The following C2CD5 variants were observed in gnomAD, a reference collection of about 807,000 sequenced individuals.
The protein encoded by C2CD5 is C2 domain-containing protein 5.
Under a neutral mutation model 130.3 loss-of-function variants are expected in C2CD5, and 109 were observed. The ratio of observed to expected loss-of-function variants is 0.84; its 90% CI spans 0.72 to 0.98. C2CD5 has a LOEUF of 0.98. Among genes scored for constraint, C2CD5 ranks in the 50% least tolerant of loss-of-function variants. The probability of loss-of-function intolerance (pLI) is 0.00; values close to 1 mark genes in which losing one functional copy is unlikely to be tolerated. For missense variants in C2CD5, 996 were observed against 1,261.8 expected (o/e 0.79, Z 3.19); for synonymous variants, 454 against 429.2 (o/e 1.06, Z -0.71).
chr12:22,509,858 A>G (rs1261532711), intron 9 of C2CD5, among the ~76,000 whole-genome samples: 7 of 152,226 alleles, frequency 4.6e-5, no homozygotes, highest in African/African-American at 1.7e-4. Flanking sequence ...ATTTAGAGTT[A>G]AGGATTTGAT....
chr12:22,532,630 T>G (rs1951405836), intron 3 of C2CD5, among the ~76,000 whole-genome samples: 1 of 152,182 alleles, frequency 6.6e-6, no homozygotes, highest in Non-Finnish European at 1.5e-5. Flanking sequence ...AAGATCACGG[T>G]CCTAATATAA....
rs1950055002 is a variant in C2CD5, at chr12:22,519,323, G to A, written c.801-1186C>T. The A allele has an allele frequency of 9.7e-6, 12 of 1,236,078 alleles. No individual in the cohort carries two copies. The South Asian group carries it at 1.7e-4, about 17-fold the overall frequency. 76.6% of individuals were successfully genotyped at this position (1,236,078 alleles called of 1,614,324 possible). ...GAGTTATGTTAAAATAATTTCAAAG[G>A]AGCTTTAGTCAGGGAAGAGAACTTA... On this transcript the variant is annotated intron_variant, in intron 7 of 26. Transcript: ENST00000446597.
Position 22,469,063 on chromosome 12 carries a change from T to C in C2CD5, c.2533+646A>G, listed in dbSNP as rs564932463. Among the ~76,000 whole-genome samples the C allele has an allele frequency of 3.3e-5, 5 of 152,290 alleles. No homozygotes were observed. In the East Asian group the frequency reaches 5.8e-4, roughly 18 times the overall value. ...TTAAATTTTTTTGTAATAAAAATCA[T>C]ACTAAAATCAGATGAGAAATGGAAA... On this transcript the variant is annotated intron_variant, in intron 22 of 26. Coordinates refer to ENST00000446597, the MANE Select transcript of C2CD5 (RefSeq NM_001286176.2).
chr12:22,518,233 G>C, intron 7 of C2CD5, 96 bp from the exon 8 acceptor site: 1 of 1,167,120 alleles, frequency 8.6e-7, no homozygotes. Context: ...ATTGGGGCAG[G>C]GCCAGCAGTC....
At chr12:22,534,433 A>G (rs963321763) in intron 3 of C2CD5, among the ~76,000 whole-genome samples, 1 of 152,220 alleles carries the variant, frequency 6.6e-6, no homozygotes, top group Non-Finnish European at 1.5e-5. Flanking sequence ...AAGAAAGTAA[A>G]AAGACAACCT....
At chr12:22,450,478 T>C (rs144481190) in intron 26 of C2CD5, among the ~76,000 whole-genome samples, 269 of 152,228 alleles carry the variant, frequency 1.8e-3, no homozygotes, top group African/African-American at 6.1e-3. Context: ...TGAAATACTA[T>C]ATGGAAGTGA....
chr12:22,483,540 TA>T (rs1565700085), intron 13 of C2CD5, among the ~76,000 whole-genome samples: 1 of 151,598 alleles, frequency 6.6e-6, no homozygotes, highest in African/African-American at 2.4e-5. Flanking sequence ...AAAAGTAAAA[TA>T]AACACATTTT....
intron 12 of C2CD5, among the ~76,000 whole-genome samples, chr12:22,487,067 A>G (rs1945637701): frequency 6.6e-6 from 1 of 152,184 alleles, no homozygotes. Context: ...AGATGGATTA[A>G]AGACTTAAAT....
At chr12:22,543,178 T>C (rs184425507) in intron 2 of C2CD5, among the ~76,000 whole-genome samples, 14 of 152,374 alleles carry the variant, frequency 9.2e-5, no homozygotes, top group Admixed American at 9.1e-4. Context: ...TAAGCACTAA[T>C]AGCCCAAATG....
At chr12:22,529,543 A>G (rs1951024064) in intron 3 of C2CD5, among the ~76,000 whole-genome samples, 1 of 152,242 alleles carries the variant, frequency 6.6e-6, no homozygotes, top group Non-Finnish European at 1.5e-5. Flanking sequence ...AACAAGATGA[A>G]TAACAGGGAA....
At chr12:22,543,149 T>C (rs1201561597) in intron 2 of C2CD5, among the ~76,000 whole-genome samples, 3 of 152,218 alleles carry the variant, frequency 2.0e-5, no homozygotes, top group Non-Finnish European at 4.4e-5. Context: ...TATATTATGA[T>C]ATATCTATCC....
chr12:22,471,490 T>C lies in C2CD5; in HGVS notation c.2269-2A>G. ...AGATCGTAGTTTAAAGTACAGGCTC[T>C]ACACAATAGAAAATATTAGTAATGT... On this transcript the variant is annotated splice_acceptor_variant, in intron 19 of 26. Transcript: ENST00000446597. LOFTEE classifies it high-confidence loss of function. 6.5e-7 allele frequency: 1 copy of C among 1,527,686 alleles called. No homozygotes were observed. The highest frequency in any genetic ancestry group is 8.9e-7 in the Non-Finnish European group (1 of 1,126,144). 94.6% of individuals were successfully genotyped at this position (1,527,686 alleles called of 1,614,324 possible).
At position 22,479,017 on chromosome 12, in the gene C2CD5, C is replaced by T. The variant is rs566628447; in HGVS notation, c.1738-540G>A. On this transcript the variant is annotated intron_variant, in intron 14 of 26. Transcript: ENST00000446597. ...ACCCTGGGTAGGTGGGAGACAGTTA[C>T]GAAATGCGGATTTACTTTTCACTGC... is the stretch of plus-strand genomic sequence containing the variant. 1.1e-3 allele frequency among the ~76,000 whole-genome samples: 164 copies of T among 152,092 alleles called. 3 individuals carry two copies. The South Asian group carries it at 0.032, about 29-fold the overall frequency.
chr12:22,464,941 T>C (rs942787615), intron 22 of C2CD5, among the ~76,000 whole-genome samples: 1 of 152,100 alleles, frequency 6.6e-6, no homozygotes, highest in Admixed American at 6.5e-5. Flanking sequence ...TAGCAAGACA[T>C]TAAATTCAAA....
chr12:22,489,972 T>C, intron 12 of C2CD5, 151 bp downstream of exon 12: 1 of 556,840 alleles, frequency 1.8e-6, no homozygotes, highest in South Asian at 2.6e-5. Flanking sequence ...TACTACGGGT[T>C]AGTTAAAAAT....
intron 22 of C2CD5, 96 bp from the exon 23 acceptor site, chr12:22,459,638 T>C (rs776042022): frequency 1.8e-5 from 12 of 682,996 alleles, no homozygotes; most frequent in Non-Finnish European, 2.4e-5. Context: ...GCCAGAAGAA[T>C]AGGAGGAAAT....
chr12:22,476,646 G>A (rs1943888967), intron 15 of C2CD5, among the ~76,000 whole-genome samples: 1 of 151,998 alleles, frequency 6.6e-6, no homozygotes, highest in South Asian at 2.1e-4. Flanking sequence ...AAGGAAGACA[G>A]ATATATAAAA....
chr12:22,523,486 T>C lies in C2CD5; in HGVS notation c.740A>G (p.Lys247Arg). The C allele has an allele frequency of 1.2e-6, 2 of 1,614,014 alleles. No individual in the cohort carries two copies. The highest frequency in any genetic ancestry group is 8.5e-7 in the Non-Finnish European group (1 of 1,179,968). ...RAIGTACTLD[K>R]LSSPAAFLPA... ...AAGGAATGCTGCTGGGCTACTTAAT[T>C]TATCCAGAGTACACGCCGTTCCTAT... The change falls in exon 7 of 27, where the codon AAA (lysine) becomes AGA (arginine). Residue 247 changes from lysine (K) to arginine (R), a missense_variant. By Grantham distance (26) the Lys-to-Arg change is conservative (BLOSUM62 2). Coordinates refer to ENST00000446597, the MANE Select transcript of C2CD5 (RefSeq NM_001286176.2).
chr12:22,535,178 T>G (rs1051706732), intron 3 of C2CD5, 80 bp downstream of exon 3: 11 of 781,034 alleles, frequency 1.4e-5, no homozygotes, highest in Non-Finnish European at 4.5e-6. Flanking sequence ...ATGCCTGAAA[T>G]AAAAGGTTCT....
Sources: allele counts gnomAD v4.1 joint callset (sites outside exome capture counted in the v4.1 genomes callset), GRCh38; gene constraint gnomAD v4.1.1; transcripts MANE v1.5; gene names NCBI Gene and HGNC (gene_info 2026-07-23, HGNC 2026-07-21).